The following CASP1 variants were observed in gnomAD, a reference collection of about 807,000 sequenced individuals.
The protein encoded by CASP1 is caspase-1.
A neutral mutation model predicts 41.2 loss-of-function variants in CASP1; 31 were observed. That is an observed-to-expected ratio of 0.75 (90% CI 0.57 to 1.02). The LOEUF (loss-of-function observed/expected upper bound fraction) is 1.02. CASP1 is among the 50% of genes least tolerant of loss of function. The probability of loss-of-function intolerance (pLI) is 0.00; values close to 1 mark genes in which losing one functional copy is unlikely to be tolerated. For missense variants in CASP1, 490 were observed against 495.7 expected (o/e 0.99, Z 0.11); for synonymous variants, 163 against 166.5 (o/e 0.98, Z 0.16).
intron 2 of CASP1, among the ~76,000 whole-genome samples, chr11:105,033,580 C>G (rs1863829098): frequency 6.6e-6 from 1 of 152,142 alleles, no homozygotes; most frequent in Non-Finnish European, 1.5e-5. Flanking sequence ...AGGAGGGTTG[C>G]AAGTGGAGGA....
Position 105,034,254 on chromosome 11 carries a change from A to C in CASP1, c.228T>G (p.Ile76Met). The C allele has an allele frequency of 1.2e-6, 2 of 1,614,040 alleles. No individual in the cohort carries two copies. The highest frequency in any genetic ancestry group is 2.2e-5 in the East Asian group (1 of 44,862). ...AQACQICITY[I>M]CEEDSYLAGT... ...CTGCCAGGTAACTGTCTTCTTCACAAATGTATGTGATGCAAATTTGGCATG... is the reference window on the plus strand; with the variant it reads ...CTGCCAGGTAACTGTCTTCTTCACACATGTATGTGATGCAAATTTGGCATG... The change falls in exon 2 of 9, where the codon ATT becomes ATG. Residue 76 changes from isoleucine to methionine, a missense_variant. Coordinates refer to ENST00000533400, the MANE Select transcript of CASP1 (RefSeq NM_001257118.3).
Position 105,029,234 on chromosome 11 carries a change from A to G in CASP1, c.896T>C (p.Val299Ala). The G allele has an allele frequency of 6.2e-7, 1 of 1,613,164 alleles. No homozygotes were observed. Among genetic ancestry groups the G allele is most frequent in the Non-Finnish European group, 8.5e-7 (1 of 1,179,476 alleles). ...TAAAGATAGGTTTCCAGAAACTCCTACTGAATCTTTAAACCACACCACACC... is the reference window on the plus strand; with the variant it reads ...TAAAGATAGGTTTCCAGAAACTCCTGCTGAATCTTTAAACCACACCACACC... ...SPGVVWFKDSVGVSGNLSLPT... is the reference protein window; with the variant it reads ...SPGVVWFKDSAGVSGNLSLPT... The change falls in exon 7 of 9, where the codon GTA (valine) becomes GCA (alanine). Residue 299 changes from valine to alanine, a missense_variant. Transcript: ENST00000533400.
chr11:105,032,610 T>C (rs1027385518), intron 3 of CASP1, among the ~76,000 whole-genome samples: 1 of 152,078 alleles, frequency 6.6e-6, no homozygotes, highest in Non-Finnish European at 1.5e-5. Context: ...AACTTGGCCA[T>C]GGGTTGAATG....
rs780103519 is a variant in CASP1 at position 105,030,506 on chromosome 11, G to A, written c.454-3C>T. The A allele has an allele frequency of 6.2e-6, 10 of 1,607,944 alleles. No individual in the cohort carries two copies. The highest frequency in any genetic ancestry group is 8.5e-6 in the Non-Finnish European group (10 of 1,177,326). On this transcript the variant is annotated splice_polypyrimidine_tract_variant and splice_region_variant and intron_variant, in intron 4 of 8. Transcript: ENST00000533400. ...GACTTGTCCATTATTGGATAAATCT[G>A]TAGGAAATGCAATTTGAATGAACAG...
At chr11:105,032,422 C>G (rs1292597231) in intron 3 of CASP1, among the ~76,000 whole-genome samples, 1 of 151,862 alleles carries the variant, frequency 6.6e-6, no homozygotes, top group Non-Finnish European at 1.5e-5. Flanking sequence ...TTCATGATAC[C>G]CAACCTTAAT....
intron 7 of CASP1, 44 bp from the exon 8 acceptor site, chr11:105,026,995 T>A: frequency 9.1e-7 from 1 of 1,095,770 alleles, no homozygotes; most frequent in Non-Finnish European, 1.4e-6. Flanking sequence ...GGCTCTTGCC[T>A]GAAGAAAGAG....
chr11:105,035,207 A>G (rs1028500924), upstream of CASP1: 54 of 1,480,598 alleles, frequency 3.6e-5, 2 homozygotes, highest in Admixed American at 6.7e-5. Context: ...GGAAATACTC[A>G]CTGTGCATGC....
At chr11:105,026,809 G>A (rs45519931) in intron 8 of CASP1, 33 bp downstream of exon 8, 15,263 of 1,065,366 alleles carry the variant, frequency 0.014, 181 homozygotes, top group Non-Finnish European at 0.015. Context: ...ATTCAGGGAA[G>A]TAGAGTGAAA....
In CASP1 at chr11:105,034,171, C is replaced by A. The variant is rs775283848; in HGVS notation, c.274+37G>T. 3.1e-6 allele frequency: 5 copies of A among 1,613,552 alleles called. No individual in the cohort carries two copies. The East Asian group carries it at 6.7e-5, about 22-fold the overall frequency. On this transcript the variant is annotated intron_variant, in intron 2 of 8. Coordinates refer to ENST00000533400, the MANE Select transcript of CASP1 (RefSeq NM_001257118.3). ...ATCAAATGTTAGGCACGAAGACAGG[C>A]CCTAGGTGAACTTGAGTGTAAGTCA...
At chr11:105,032,472 G>C (rs1046032621) in intron 3 of CASP1, among the ~76,000 whole-genome samples, 12 of 152,064 alleles carry the variant, frequency 7.9e-5, no homozygotes, top group Non-Finnish European at 1.8e-4. Context: ...TAAATAATTT[G>C]CATTCCTAGC....
intron 8 of CASP1, 56 bp downstream of exon 8, chr11:105,026,786 G>C (rs762556375): frequency 1.8e-5 from 16 of 884,676 alleles, no homozygotes; most frequent in Non-Finnish European, 2.9e-5. Flanking sequence ...GCTTCCAATT[G>C]CAATAGCCAA....
Position 105,029,113 on chromosome 11 carries a change from A to G in CASP1, c.1006+11T>C, listed in dbSNP as rs1325633840. The G allele has an allele frequency of 6.2e-7, 1 of 1,610,982 alleles. No homozygotes were observed. The highest frequency in any genetic ancestry group is 8.5e-7 in the Non-Finnish European group (1 of 1,178,606). Reference sequence around the variant, plus strand: ...GCCCCAACAAAGATGTCCTGTGTAGAAACCTGTTACCTGGTGTGGAAGAGC... The same window carrying G: ...GCCCCAACAAAGATGTCCTGTGTAGGAACCTGTTACCTGGTGTGGAAGAGC... On this transcript the variant is annotated intron_variant, in intron 7 of 8. Coordinates refer to ENST00000533400, the MANE Select transcript of CASP1 (RefSeq NM_001257118.3).
rs1331541547 is a variant in CASP1 at position 105,026,289 on chromosome 11, G to C, written c.1184C>G (p.Thr395Arg). 1 of 1,610,678 alleles carries C rather than the reference G, an allele frequency of 6.2e-7. No homozygotes were observed. Among genetic ancestry groups the C allele is most frequent in the Admixed American group, 1.7e-5 (1 of 59,846 alleles). ...TCCTGGGAAGAGGTAGAAACATCTT[G>C]TCAAAGTCACTCTTTCAGTGGTGGG... ...QMPTTERVTLTRCFYLFPGH is the reference protein window; with the variant it reads ...QMPTTERVTLRRCFYLFPGH Residue 395 changes from threonine (T) to arginine (R), a missense_variant, in exon 9 of 9, where the codon ACA becomes AGA. By Grantham distance (71) the Thr-to-Arg change is moderately conservative. Transcript: ENST00000533400.
At chr11:105,027,200 G>C in intron 7 of CASP1, 1 of 609,328 alleles carries the variant, frequency 1.6e-6, no homozygotes, top group Middle Eastern at 4.4e-4. Context: ...AATAGACTCA[G>C]CTAGCTATAC....
chr11:105,029,176 A>T lies in CASP1; in HGVS notation c.954T>A (p.Ile318=), dbSNP rs561663258. 1 of 1,613,352 alleles carries T rather than the reference A, an allele frequency of 6.2e-7. No individual in the cohort carries two copies. The highest frequency in any genetic ancestry group is 8.5e-7 in the Non-Finnish European group (1 of 1,179,540). ...PTTEEFEDDA[I]KKAHIEKDFI... The stretch of plus-strand genomic sequence containing the variant: ...AATCCTTCTCTATGTGGGCTTTCTT[A>T]ATAGCATCATCCTCAAACTCTTCTG... Residue 318 remains isoleucine, a synonymous_variant, in exon 7 of 9, where the codon ATT becomes ATA. Transcript: ENST00000533400.
intron 3 of CASP1, 98 bp from the exon 4 acceptor site, chr11:105,031,378 A>T (rs529939902): frequency 3.7e-4 from 246 of 661,156 alleles, no homozygotes; most frequent in Middle Eastern, 1.7e-3. Context: ...CAGAAGAGGA[A>T]ATGCACTCTG....
chr11:105,029,371 T>C (rs977596250), intron 6 of CASP1, 104 bp from the exon 7 acceptor site: 2 of 939,038 alleles, frequency 2.1e-6, no homozygotes, highest in African/African-American at 3.3e-5. Context: ...GCTCTATCAT[T>C]AATTCACATG....
At chr11:105,035,157 T>C (rs1219614021), upstream of CASP1, 1 of 1,613,846 alleles carries the variant, frequency 6.2e-7, no homozygotes, top group South Asian at 1.1e-5. Context: ...ACTGAAAGTA[T>C]GCTTCGCCTT....
At chr11:105,026,504 T>C (rs1863296607) in intron 8 of CASP1, 148 bp from the exon 9 acceptor site, 3 of 617,744 alleles carry the variant, frequency 4.9e-6, no homozygotes, top group Non-Finnish European at 8.6e-6. Context: ...AGTATAACCA[T>C]ATATGTATGT....
Sources: gnomAD v4.1 joint callset for allele counts (sites outside exome capture counted in the v4.1 genomes callset) on GRCh38, gnomAD v4.1.1 for gene constraint, MANE v1.5 for transcripts, NCBI Gene and HGNC (gene_info 2026-07-23, HGNC 2026-07-21) for gene names.